DMD: variants seen among roughly 807,000 people sequenced by gnomAD.
DMD encodes dystrophin, also known as mutant dystrophin.
Under a neutral mutation model 330.1 loss-of-function variants are expected in DMD, and 63 were observed. The observed-to-expected ratio is 0.19, with a 90% confidence interval of 0.16 to 0.24. The LOEUF (loss-of-function observed/expected upper bound fraction) is 0.24. Ranked by LOEUF, DMD falls within the 10% of genes least tolerant of loss-of-function variation. DMD has a pLI of 1.00. For missense variants in DMD, 3,344 were observed against 2,684.1 expected (o/e 1.25, Z -5.43); for synonymous variants, 1,223 against 959.8 (o/e 1.27, Z -5.07).
rs189376773 is a variant in DMD, at chrX:31,734,148, T to G, written c.7543-4400A>C. Among the ~76,000 whole-genome samples the G allele has an allele frequency of 1.4e-4, 16 of 111,312 alleles. No individual in the cohort carries two copies. In the Admixed American group the frequency reaches 1.4e-3, roughly 10 times the overall value. ...ATTTGTTAACATTTTGCCACATTAT[T>G]TTTAATTATTTATCATTTTATCATT... is the stretch of plus-strand genomic sequence containing the variant. On this transcript the variant is annotated intron_variant, in intron 51 of 78. Transcript: ENST00000357033.
chrX:31,471,666 T>C (rs1266007225), intron 59 of DMD, among the ~76,000 whole-genome samples: 2 of 112,533 alleles, frequency 1.8e-5, no homozygotes, highest in Non-Finnish European at 3.8e-5. Flanking sequence ...CTAAGCTGTA[T>C]TAAACCCTAG....
At chrX:31,265,929 G>T (rs2051018872) in intron 62 of DMD, among the ~76,000 whole-genome samples, 1 of 108,543 alleles carries the variant, frequency 9.2e-6, no homozygotes, top group Admixed American at 9.9e-5. Flanking sequence ...TTTTTTTCAT[G>T]ATGTAAAAAC....
At chrX:31,803,702 T>A (rs868673128) in intron 50 of DMD, among the ~76,000 whole-genome samples, 1 of 78,271 alleles carries the variant, frequency 1.3e-5, no homozygotes, top group Non-Finnish European at 2.6e-5. Flanking sequence ...CTCTCTCTCT[T>A]TCTTTTTATT....
At chrX:32,052,729 T>G (rs2147539011) in intron 44 of DMD, among the ~76,000 whole-genome samples, 1 of 111,159 alleles carries the variant, frequency 9.0e-6, no homozygotes, top group East Asian at 2.9e-4. Flanking sequence ...GGCACAACGA[T>G]AATCAAATTT....
intron 51 of DMD, among the ~76,000 whole-genome samples, chrX:31,749,878 A>G (rs1254940197): frequency 4.8e-5 from 5 of 105,239 alleles, no homozygotes; most frequent in African/African-American, 1.4e-4. Context: ...TTTGATTTGC[A>G]TTTCTCTGAT....
At position 31,891,759 on chromosome X, in the gene DMD, A is replaced by C. The variant is rs979318573; in HGVS notation, c.6913-16386T>G. On this transcript the variant is annotated intron_variant, in intron 47 of 78. Coordinates refer to ENST00000357033, the MANE Select transcript of DMD (RefSeq NM_004006.3). ...ACATTTACCATCTGGACCGTTATAG[A>C]AAGTTTGCTGACCTCTGCTCTAGGT... Among the ~76,000 whole-genome samples, 129 of 111,302 alleles carry C rather than the reference A, an allele frequency of 1.2e-3. 3 individuals carry two copies. Among genetic ancestry groups the C allele is most frequent in the Non-Finnish European group, 2.6e-4 (14 of 53,049 alleles).
At chrX:33,201,590 A>G (rs944192996) in intron 1 of DMD, among the ~76,000 whole-genome samples, 1 of 111,660 alleles carries the variant, frequency 9.0e-6, no homozygotes, top group Admixed American at 9.6e-5. Context: ...ACACTATATG[A>G]ATGTATGCAA....
At chrX:32,259,949 T>C (rs1310745964) in intron 43 of DMD, among the ~76,000 whole-genome samples, 1 of 111,398 alleles carries the variant, frequency 9.0e-6, no homozygotes, top group African/African-American at 3.3e-5. Flanking sequence ...TAATGGAAAA[T>C]GTAGCATCTG....
chrX:31,679,362 C>T lies in DMD; in HGVS notation c.7872+13G>A, dbSNP rs1569220234. 1 of 1,175,149 alleles carries T rather than the reference C, an allele frequency of 8.5e-7. No individual in the cohort carries two copies. The highest frequency in any genetic ancestry group is 3.0e-5 in the East Asian group (1 of 32,902). Reference sequence around the variant, plus strand: ...CCAGTATTTTATTTTAAAAAGGTATCTTTGATACTAACCTTGGTTTCTGTG... The same window carrying T: ...CCAGTATTTTATTTTAAAAAGGTATTTTTGATACTAACCTTGGTTTCTGTG... On this transcript the variant is annotated intron_variant, in intron 53 of 78. Coordinates refer to ENST00000357033, the MANE Select transcript of DMD (RefSeq NM_004006.3).
At chrX:32,564,485 C>A (rs1224224536) in intron 16 of DMD, among the ~76,000 whole-genome samples, 2 of 111,244 alleles carry the variant, frequency 1.8e-5, no homozygotes, top group Non-Finnish European at 3.8e-5. Flanking sequence ...GCAAAGAAGC[C>A]ATGGGCAGAT....
chrX:32,234,300 G>C (rs2097179914), intron 43 of DMD, among the ~76,000 whole-genome samples: 1 of 112,193 alleles, frequency 8.9e-6, no homozygotes, highest in Non-Finnish European at 1.9e-5. Flanking sequence ...TGCAAGATGA[G>C]AGCATAGGAG....
At chrX:32,318,209 A>C (rs1202081819) in intron 41 of DMD, among the ~76,000 whole-genome samples, 2 of 111,435 alleles carry the variant, frequency 1.8e-5, no homozygotes, top group Non-Finnish European at 3.8e-5. Flanking sequence ...GTAATAAACA[A>C]AGTTGAGAGA....
Position 32,346,058 on chromosome X carries a change from A to C in DMD, c.5471T>G (p.Val1824Gly), listed in dbSNP as rs1270252499. 1.7e-6 allele frequency: 2 copies of C among 1,209,849 alleles called. No individual in the cohort carries two copies. Among genetic ancestry groups the C allele is most frequent in the Non-Finnish European group, 2.2e-6 (2 of 894,380 alleles). ...KDMNEDNEGTVKELLQRGDNL... is the reference protein window; with the variant it reads ...KDMNEDNEGTGKELLQRGDNL... ...GTCTCCTCTTTGCAACAATTCTTTTACAGTACCCTCATTGTCTTCATTCTG... is the reference window on the plus strand; with the variant it reads ...GTCTCCTCTTTGCAACAATTCTTTTCCAGTACCCTCATTGTCTTCATTCTG... The change falls in exon 39 of 79, where the codon GTA becomes GGA. Residue 1824 changes from valine (V) to glycine (G), a missense_variant. Transcript: ENST00000357033.
chrX:32,460,848 A>G (rs1386376118), intron 25 of DMD, among the ~76,000 whole-genome samples: 2 of 111,872 alleles, frequency 1.8e-5, no homozygotes, highest in Non-Finnish European at 3.8e-5. Context: ...CAAGACTTCA[A>G]ACAAGACATT....
At chrX:31,448,405 A>G (rs1440489557) in intron 59 of DMD, among the ~76,000 whole-genome samples, 1 of 112,205 alleles carries the variant, frequency 8.9e-6, no homozygotes, top group Non-Finnish European at 1.9e-5. Context: ...AGCAGCATAC[A>G]TAACAAGAAG....
At chrX:33,128,476 T>C (rs946221107) in intron 1 of DMD, 57 of 901,859 alleles carry the variant, frequency 6.3e-5, no homozygotes, top group African/African-American at 1.0e-4. Context: ...CCTCACCGGC[T>C]CAATCTACCT....
intron 44 of DMD, among the ~76,000 whole-genome samples, chrX:32,039,023 T>C (rs1006174184): frequency 1.8e-5 from 2 of 111,323 alleles, no homozygotes; most frequent in African/African-American, 6.5e-5. Flanking sequence ...GTGTGTGTTT[T>C]AGATAAGTTA....
intron 14 of DMD, 38 bp from the exon 15 acceptor site, chrX:32,573,675 A>G (rs904795842): frequency 1.7e-6 from 2 of 1,196,718 alleles, no homozygotes; most frequent in African/African-American, 3.5e-5. Context: ...ATAAATAAAC[A>G]TAAATCTTTA....
intron 52 of DMD, among the ~76,000 whole-genome samples, chrX:31,712,640 A>G (rs191264365): frequency 9.0e-6 from 1 of 111,724 alleles, no homozygotes; most frequent in Non-Finnish European, 1.9e-5. Context: ...GTGTATCCTG[A>G]TATGAATCCC....
Sources: gnomAD v4.1 joint callset for allele counts (sites outside exome capture counted in the v4.1 genomes callset) on GRCh38, gnomAD v4.1.1 for gene constraint, MANE v1.5 for transcripts, NCBI Gene and HGNC (gene_info 2026-07-23, HGNC 2026-07-21) for gene names.